DPP6: variants seen among roughly 807,000 people sequenced by gnomAD.
DPP6 encodes the protein dipeptidyl peptidase like 6.
DPP6 carries 69 observed loss-of-function variants against 122.6 expected under a neutral mutation model. The ratio of observed to expected loss-of-function variants is 0.56; its 90% CI spans 0.46 to 0.69. DPP6 has a LOEUF of 0.69. Ranked by LOEUF, DPP6 falls within the 30% of genes least tolerant of loss-of-function variation. DPP6 has a pLI of 0.00. For missense variants in DPP6, 928 were observed against 1,116.9 expected, an observed-to-expected ratio of 0.83 and a Z score of 2.41; for synonymous variants, 418 against 433.1, an observed-to-expected ratio of 0.97 and a Z score of 0.43.
chr7:154,257,797 C>G (rs565406417), intron 1 of DPP6, among the ~76,000 whole-genome samples: 44 of 152,248 alleles, frequency 2.9e-4, no homozygotes, highest in African/African-American at 1.1e-3. Context: ...TAATGGTTCC[C>G]ACTATTTGAG....
chr7:153,936,622 C>G (rs1015104383), intron 1 of DPP6, among the ~76,000 whole-genome samples: 3 of 151,162 alleles, frequency 2.0e-5, no homozygotes, highest in African/African-American at 7.3e-5. Flanking sequence ...CTGGCTAACA[C>G]GGTGAAACCC....
intron 2 of DPP6, among the ~76,000 whole-genome samples, chr7:154,468,182 C>A (rs1023721198): frequency 2.0e-5 from 3 of 152,124 alleles, no homozygotes; most frequent in Admixed American, 6.6e-5. Flanking sequence ...TTTGAAAACA[C>A]AATACTATCT....
chr7:154,027,383 G>C (rs569475532), intron 1 of DPP6, among the ~76,000 whole-genome samples: 16 of 152,242 alleles, frequency 1.1e-4, no homozygotes, highest in South Asian at 1.0e-3. Context: ...TACATAGTTT[G>C]AAAAGCACTT....
intron 7 of DPP6, among the ~76,000 whole-genome samples, chr7:154,683,426 G>C (rs1839407259): frequency 6.6e-6 from 1 of 152,126 alleles, no homozygotes; most frequent in African/African-American, 2.4e-5. Context: ...TCCCCCACCG[G>C]CTTGATCCAC....
At chr7:154,405,473 TC>T (rs559553313) in intron 1 of DPP6, among the ~76,000 whole-genome samples, 77 of 152,180 alleles carry the variant, frequency 5.1e-4, no homozygotes, top group African/African-American at 1.7e-3. Context: ...GGAGCTGCTT[TC>T]CCCCCCTTGT....
At chr7:153,967,105 C>G (rs1563058414) in intron 1 of DPP6, among the ~76,000 whole-genome samples, 1 of 151,210 alleles carries the variant, frequency 6.6e-6, no homozygotes, top group Non-Finnish European at 1.5e-5. Flanking sequence ...AAAAAAAAAT[C>G]TCTAGGTCAG....
intron 1 of DPP6, among the ~76,000 whole-genome samples, chr7:154,053,516 C>A (rs1196723070): frequency 4.0e-5 from 6 of 150,932 alleles, no homozygotes; most frequent in African/African-American, 1.5e-4. Flanking sequence ...ATCTCTCCAT[C>A]GTGCCCCTCC....
At chr7:153,979,335 GCTCT>G (rs1210501194) in intron 1 of DPP6, among the ~76,000 whole-genome samples, 214 of 152,320 alleles carry the variant, frequency 1.4e-3, no homozygotes, top group African/African-American at 4.7e-3. Flanking sequence ...TCATGATTTG[GCTCT>G]CTGTTTGTCT....
intron 1 of DPP6, among the ~76,000 whole-genome samples, chr7:154,239,272 C>G (rs1389894729): frequency 6.6e-6 from 1 of 152,194 alleles, no homozygotes; most frequent in Non-Finnish European, 1.5e-5. Context: ...ACATGTCTTT[C>G]TAGTGTCGTA....
the DPP6 span, among the ~76,000 whole-genome samples, chr7:153,819,820 A>G: frequency 6.6e-6 from 1 of 152,138 alleles, no homozygotes; most frequent in Non-Finnish European, 1.5e-5. Context: ...AAATAAATGT[A>G]GTTTGATCAG....
chr7:154,643,217 C>G (rs543535174), intron 6 of DPP6, among the ~76,000 whole-genome samples: 1 of 152,132 alleles, frequency 6.6e-6, no homozygotes, highest in South Asian at 2.1e-4. Context: ...CCTCAACTGT[C>G]TACAATTCTC....
At chr7:154,686,644 T>C (rs1030199809) in intron 7 of DPP6, among the ~76,000 whole-genome samples, 2 of 151,926 alleles carry the variant, frequency 1.3e-5, no homozygotes, top group African/African-American at 4.8e-5. Context: ...CTGGAGAGGG[T>C]GGGTCAGTTA....
At chr7:154,038,345 A>G (rs1447366361) in intron 1 of DPP6, 3 of 73,022 alleles carry the variant, frequency 4.1e-5, no homozygotes, top group Non-Finnish European at 7.5e-5. Context: ...CCCACCCCAC[A>G]TGCAGTTGAA....
intron 5 of DPP6, among the ~76,000 whole-genome samples, chr7:154,612,249 C>G (rs1833957394): frequency 6.6e-6 from 1 of 152,140 alleles, no homozygotes; most frequent in Admixed American, 6.5e-5. Flanking sequence ...ACTAAGACAC[C>G]ACCATAGTCA....
intron 1 of DPP6, among the ~76,000 whole-genome samples, chr7:154,088,226 C>T (rs1804570314): frequency 6.6e-6 from 1 of 151,986 alleles, no homozygotes; most frequent in Non-Finnish European, 1.5e-5. Flanking sequence ...GGGCTGTGCT[C>T]TCTGCCTGCC....
At chr7:154,445,042 C>A (rs910927049) in intron 1 of DPP6, among the ~76,000 whole-genome samples, 6 of 152,094 alleles carry the variant, frequency 3.9e-5, no homozygotes, top group African/African-American at 1.4e-4. Flanking sequence ...ACAAATATAG[C>A]CAATATTAAA....
At chr7:154,091,563 GTCTC>G (rs766129780) in intron 1 of DPP6, among the ~76,000 whole-genome samples, 1 of 152,124 alleles carries the variant, frequency 6.6e-6, no homozygotes, top group Non-Finnish European at 1.5e-5. Flanking sequence ...ATTTGAGAAA[GTCTC>G]TCGCGGTATA....
chr7:154,748,803 C>G (rs1455048699), intron 8 of DPP6, among the ~76,000 whole-genome samples: 1 of 152,194 alleles, frequency 6.6e-6, no homozygotes, highest in Admixed American at 6.5e-5. Flanking sequence ...TGACTCCCAC[C>G]GAGGCCTTGT....
chr7:154,747,422 G>C (rs1449674666), intron 8 of DPP6, among the ~76,000 whole-genome samples: 1 of 152,120 alleles, frequency 6.6e-6, no homozygotes, highest in African/African-American at 2.4e-5. Context: ...AACACCCCTG[G>C]CTTCACAATT....
Sources: gnomAD v4.1 joint callset for allele counts (sites outside exome capture counted in the v4.1 genomes callset) on GRCh38, gnomAD v4.1.1 for gene constraint, MANE v1.5 for transcripts, NCBI Gene and HGNC (gene_info 2026-07-23, HGNC 2026-07-21) for gene names.